AFF3: variants seen among roughly 807,000 people sequenced by gnomAD.
AFF3 encodes the protein ALF transcription elongation factor 3.
In AFF3, 32 loss-of-function variants were observed where a neutral mutation model predicts 129.7. The ratio of observed to expected loss-of-function variants is 0.25; its 90% CI spans 0.19 to 0.33. The LOEUF (loss-of-function observed/expected upper bound fraction) is 0.33, where lower values mean the gene tolerates loss of function less well. AFF3 is among the 10% of genes least tolerant of loss of function. AFF3 has a pLI of 1.00. For synonymous variants in AFF3, 644 were observed against 635.4 expected (o/e 1.01, Z -0.20); for missense variants, 1,373 against 1,592.0 (o/e 0.86, Z 2.34).
intron 4 of AFF3, among the ~76,000 whole-genome samples, chr2:100,023,893 C>T (rs1683804544): frequency 6.6e-6 from 1 of 152,148 alleles, no homozygotes. Flanking sequence ...ACACTGACTT[C>T]GAACCAGCAA....
At chr2:99,735,310 A>G (rs1680161588) in intron 10 of AFF3, among the ~76,000 whole-genome samples, 1 of 151,358 alleles carries the variant, frequency 6.6e-6, no homozygotes, top group Non-Finnish European at 1.5e-5. Flanking sequence ...ACTGTATTAT[A>G]ACTTCATTGA....
At chr2:99,831,444 T>C (rs781317300) in intron 8 of AFF3, among the ~76,000 whole-genome samples, 1 of 152,218 alleles carries the variant, frequency 6.6e-6, no homozygotes, top group Non-Finnish European at 1.5e-5. Flanking sequence ...TGGCTAGTAC[T>C]GAACACTAGC....
intron 4 of AFF3, among the ~76,000 whole-genome samples, chr2:100,080,751 T>C (rs1688982911): frequency 6.6e-6 from 1 of 152,074 alleles, no homozygotes; most frequent in Non-Finnish European, 1.5e-5. Flanking sequence ...ACCTGGATAG[T>C]GAACTCTGCA....
intron 7 of AFF3, among the ~76,000 whole-genome samples, chr2:99,944,605 G>C (rs1257669716): frequency 1.3e-5 from 2 of 152,102 alleles, no homozygotes; most frequent in Non-Finnish European, 2.9e-5. Context: ...TTTTAAAGAA[G>C]AGTCAACCTG....
chr2:99,643,505 CT>C lies in AFF3; in HGVS notation c.1184+6120del, dbSNP rs933884701. ...CACTTTCTTAAAAGTGCTCCACCTC[CT>C]TTTTTTTGACCCTTAAAGAAGAGAC... On this transcript the variant is annotated intron_variant, in intron 13 of 24. Coordinates refer to ENST00000672756, the MANE Select transcript of AFF3 (RefSeq NM_001386135.1). Among the ~76,000 whole-genome samples the C allele has an allele frequency of 2.0e-4, 30 of 152,102 alleles. No homozygotes were observed. In the East Asian group the frequency reaches 5.6e-3, roughly 28 times the overall value.
chr2:99,742,164 T>C (rs1680773425), intron 10 of AFF3, among the ~76,000 whole-genome samples: 1 of 152,108 alleles, frequency 6.6e-6, no homozygotes, highest in Admixed American at 6.6e-5. Flanking sequence ...AAGACCAGCC[T>C]GTGCAACATA....
intron 13 of AFF3, among the ~76,000 whole-genome samples, chr2:99,612,275 C>A (rs1681011093): frequency 6.6e-6 from 1 of 152,210 alleles, no homozygotes; most frequent in African/African-American, 2.4e-5. Context: ...ACCTCCAGCT[C>A]TAGTTAATTA....
intron 2 of AFF3, among the ~76,000 whole-genome samples, chr2:100,122,038 C>T (rs1339528298): frequency 1.3e-5 from 2 of 152,104 alleles, no homozygotes; most frequent in Non-Finnish European, 2.9e-5. Flanking sequence ...GTCCGCAGTC[C>T]GGCCTGGGTG....
intron 13 of AFF3, among the ~76,000 whole-genome samples, chr2:99,644,958 C>T (rs1684561068): frequency 6.6e-6 from 1 of 152,192 alleles, no homozygotes; most frequent in Non-Finnish European, 1.5e-5. Context: ...ACGAGAGGCA[C>T]ACAATAAGCA....
intron 7 of AFF3, among the ~76,000 whole-genome samples, chr2:99,999,943 C>A (rs1242091674): frequency 3.3e-5 from 5 of 152,198 alleles, no homozygotes; most frequent in African/African-American, 1.2e-4. Context: ...TCCCACAGCC[C>A]ACCCTTTGGT....
At chr2:99,876,113 A>C (rs1317145975) in intron 7 of AFF3, among the ~76,000 whole-genome samples, 1 of 152,102 alleles carries the variant, frequency 6.6e-6, no homozygotes, top group African/African-American at 2.4e-5. Flanking sequence ...CAAAGAACCC[A>C]GTCCTGGGCC....
chr2:99,872,585 G>C (rs912268638), intron 7 of AFF3, among the ~76,000 whole-genome samples: 4 of 133,018 alleles, frequency 3.0e-5, no homozygotes, highest in African/African-American at 1.4e-4. Flanking sequence ...ATGCAAAAAT[G>C]CTTCTTACAA....
At chr2:99,707,076 T>C (rs1386339547) in intron 11 of AFF3, 2 of 984,164 alleles carry the variant, frequency 2.0e-6, no homozygotes, top group Non-Finnish European at 2.4e-6. Context: ...ATACCGAAGA[T>C]ATAATAGTAC....
At chr2:99,894,299 G>T (rs1372633140) in intron 7 of AFF3, among the ~76,000 whole-genome samples, 7 of 151,842 alleles carry the variant, frequency 4.6e-5, no homozygotes, top group Non-Finnish European at 1.0e-4. Context: ...GACACACAAG[G>T]TAATACTAAA....
rs116515215 is a variant in AFF3, at chr2:99,682,631, G to C, written c.1092-10042C>G. 3.5e-3 allele frequency among the ~76,000 whole-genome samples: 532 copies of C among 152,312 alleles called. 6 individuals are homozygous for C. The highest frequency in any genetic ancestry group is 0.012 in the African/African-American group (507 of 41,556). On this transcript the variant is annotated intron_variant, in intron 11 of 24. Transcript: ENST00000672756. ...ACTTTCGTCAAGACTGCATAGGATA[G>C]TGTGCTGGGTTTTCTGTCTAGTGGC... is the stretch of plus-strand genomic sequence containing the variant.
At chr2:99,650,578 TA>T (rs1411545297) in intron 12 of AFF3, among the ~76,000 whole-genome samples, 2 of 151,026 alleles carry the variant, frequency 1.3e-5, no homozygotes, top group South Asian at 2.1e-4. Flanking sequence ...ATAAATAAAA[TA>T]AAAAAATTTA....
chr2:99,572,341 T>G (rs1020929215), intron 18 of AFF3, among the ~76,000 whole-genome samples: 8 of 115,266 alleles, frequency 6.9e-5, no homozygotes, highest in South Asian at 3.1e-4. Context: ...CTCAGCAGCA[T>G]CAGGGTTTGA....
chr2:99,718,172 T>C (rs139615121), intron 11 of AFF3, among the ~76,000 whole-genome samples: 6 of 152,372 alleles, frequency 3.9e-5, no homozygotes, highest in Non-Finnish European at 8.8e-5. Flanking sequence ...ATAAAGATTT[T>C]AGAATCTGTA....
At chr2:100,070,357 G>A (rs927016394) in intron 4 of AFF3, among the ~76,000 whole-genome samples, 2 of 152,168 alleles carry the variant, frequency 1.3e-5, no homozygotes, top group East Asian at 1.9e-4. Flanking sequence ...TGAAACCATC[G>A]TTGCTATAAT....
Sources: gnomAD v4.1 joint callset for allele counts (sites outside exome capture counted in the v4.1 genomes callset) on GRCh38, gnomAD v4.1.1 for gene constraint, MANE v1.5 for transcripts, NCBI Gene and HGNC (gene_info 2026-07-23, HGNC 2026-07-21) for gene names.